The following PIWIL1 variants were observed in gnomAD, a reference collection of about 807,000 sequenced individuals.
The protein encoded by PIWIL1 is piwi like RNA-mediated gene silencing 1.
A neutral mutation model predicts 114.4 loss-of-function variants in PIWIL1; 73 were observed. That is an observed-to-expected ratio of 0.64 (90% CI 0.53 to 0.78). The LOEUF (loss-of-function observed/expected upper bound fraction) is 0.78, where lower values mean the gene tolerates loss of function less well. PIWIL1 is among the 30% of genes least tolerant of loss of function. PIWIL1 has a pLI of 0.00. For missense variants in PIWIL1, 723 were observed against 1,063.1 expected (o/e 0.68, Z 4.45); for synonymous variants, 375 against 369.0 (o/e 1.02, Z -0.19).
At chr12:130,341,785 A>C (rs780023132) in intron 1 of PIWIL1, among the ~76,000 whole-genome samples, 1 of 152,212 alleles carries the variant, frequency 6.6e-6, no homozygotes, top group Non-Finnish European at 1.5e-5. Context: ...TAGCCTGATG[A>C]CATTGTGTAC....
intron 19 of PIWIL1, among the ~76,000 whole-genome samples, chr12:130,367,736 C>T (rs1207016766): frequency 6.6e-6 from 1 of 152,182 alleles, no homozygotes; most frequent in East Asian, 1.9e-4. Context: ...GAGCTTACAG[C>T]GGGCACCGGC....
chr12:130,345,968 C>G, intron 4 of PIWIL1, 90 bp downstream of exon 4: 1 of 1,392,932 alleles, frequency 7.2e-7, no homozygotes, highest in Non-Finnish European at 9.9e-7. Flanking sequence ...GTTTATTTGG[C>G]CAAGGATCCT....
At chr12:130,388,416 C>CTACA in the PIWIL1 span, among the ~76,000 whole-genome samples, 1 of 152,188 alleles carries the variant, frequency 6.6e-6, no homozygotes, top group Admixed American at 6.5e-5. Context: ...CTATACTTAC[C>CTACA]TACATCCTGA....
At chr12:130,425,023 C>A in the PIWIL1 span, 1 of 411,856 alleles carries the variant, frequency 2.4e-6, no homozygotes, top group Non-Finnish European at 4.2e-6. Flanking sequence ...GAGGGCTCTG[C>A]AATGAAAACA....
intron 16 of PIWIL1, among the ~76,000 whole-genome samples, chr12:130,362,562 G>A (rs569990676): frequency 6.6e-6 from 1 of 152,350 alleles, no homozygotes; most frequent in African/African-American, 2.4e-5. Context: ...AACAGACACA[G>A]TTTGTGATGC....
intron 14 of PIWIL1, among the ~76,000 whole-genome samples, chr12:130,359,138 C>T (rs888104598): frequency 6.6e-6 from 1 of 152,122 alleles, no homozygotes; most frequent in African/African-American, 2.4e-5. Flanking sequence ...TAGAGTGTAG[C>T]CTTTATAAAC....
At chr12:130,380,550 T>C in the PIWIL1 span, among the ~76,000 whole-genome samples, 1 of 152,114 alleles carries the variant, frequency 6.6e-6, no homozygotes, top group Non-Finnish European at 1.5e-5. Flanking sequence ...ATTGAGTAGG[T>C]TGAGTAAGGA....
the PIWIL1 span, among the ~76,000 whole-genome samples, chr12:130,411,114 G>A: frequency 2.6e-5 from 4 of 152,048 alleles, no homozygotes; most frequent in African/African-American, 7.2e-5. Flanking sequence ...CATTGTAAAC[G>A]GCACTACTTT....
intron 19 of PIWIL1, among the ~76,000 whole-genome samples, chr12:130,370,794 C>T (rs1168961434): frequency 6.6e-6 from 1 of 152,160 alleles, no homozygotes; most frequent in Non-Finnish European, 1.5e-5. Flanking sequence ...TCGACCCACT[C>T]GCTGCCCCCA....
At chr12:130,421,231 C>G in the PIWIL1 span, among the ~76,000 whole-genome samples, 1 of 152,168 alleles carries the variant, frequency 6.6e-6, no homozygotes, top group Non-Finnish European at 1.5e-5. Context: ...TTAGAATACC[C>G]GAAAGGAATC....
chr12:130,389,518 A>G, the PIWIL1 span, among the ~76,000 whole-genome samples: 25 of 151,908 alleles, frequency 1.6e-4, 1 homozygote, highest in African/African-American at 5.8e-4. Flanking sequence ...ATTATTTTAC[A>G]CTTTTTCCAG....
chr12:130,408,318 T>C, the PIWIL1 span, among the ~76,000 whole-genome samples: 1 of 152,372 alleles, frequency 6.6e-6, no homozygotes, highest in South Asian at 2.1e-4. Context: ...ACTAAGGCAC[T>C]GTCCTCAGGA....
At chr12:130,346,890 A>G (rs1356516620) in intron 5 of PIWIL1, 51 bp from the exon 6 acceptor site, 3 of 1,587,218 alleles carry the variant, frequency 1.9e-6, no homozygotes, top group Non-Finnish European at 2.6e-6. Context: ...GATTGGGCAT[A>G]ATTGTCCTTT....
intron 3 of PIWIL1, among the ~76,000 whole-genome samples, chr12:130,344,788 A>G (rs2073025715): frequency 6.6e-6 from 1 of 152,232 alleles, no homozygotes; most frequent in African/African-American, 2.4e-5. Flanking sequence ...TACAAAAGTC[A>G]CATGTCAGCT....
chr12:130,411,696 G>A, the PIWIL1 span, among the ~76,000 whole-genome samples: 4 of 152,300 alleles, frequency 2.6e-5, no homozygotes, highest in East Asian at 7.7e-4. Flanking sequence ...CTTAACAAAA[G>A]TGAGTAGAGG....
the PIWIL1 span, among the ~76,000 whole-genome samples, chr12:130,407,301 G>A: frequency 6.6e-6 from 1 of 152,176 alleles, no homozygotes; most frequent in Admixed American, 6.5e-5. Flanking sequence ...ATCCCAAGCT[G>A]TGCCAGGCGA....
At chr12:130,392,757 A>C in the PIWIL1 span, among the ~76,000 whole-genome samples, 10 of 141,610 alleles carry the variant, frequency 7.1e-5, no homozygotes, top group South Asian at 4.5e-4. Context: ...TTACCTGGTG[A>C]ATATTGAATG....
rs1359671414 is a variant in PIWIL1, at chr12:130,348,154, A to C, written c.705A>C (p.Pro235=). ...AAATTGGACGAAATTATTATAACCC[A>C]AATGACCCAATTGATATTCCAAGTC... ...LQQIGRNYYN[P]NDPIDIPSHR... Residue 235 remains proline, a synonymous_variant, in exon 7 of 21, where the codon CCA becomes CCC. Coordinates refer to ENST00000245255, the MANE Select transcript of PIWIL1 (RefSeq NM_004764.5). 5.6e-6 allele frequency: 9 copies of C among 1,607,170 alleles called. No individual in the cohort carries two copies. Among genetic ancestry groups the C allele is most frequent in the Non-Finnish European group, 7.7e-6 (9 of 1,174,158 alleles).
intron 19 of PIWIL1, among the ~76,000 whole-genome samples, chr12:130,368,669 C>T (rs777246229): frequency 3.2e-4 from 49 of 152,064 alleles, no homozygotes; most frequent in Non-Finnish European, 6.2e-4. Context: ...TTCTCTTTCA[C>T]CGTATTCAAA....
Sources: allele counts gnomAD v4.1 joint callset (sites outside exome capture counted in the v4.1 genomes callset), GRCh38; gene constraint gnomAD v4.1.1; transcripts MANE v1.5; gene names NCBI Gene and HGNC (gene_info 2026-07-23, HGNC 2026-07-21).